Variants in TRPC5 observed in about 807,000 individuals in gnomAD.
The protein encoded by TRPC5 is transient receptor potential cation channel subfamily C member 5.
In TRPC5, 9 loss-of-function variants were observed where a neutral mutation model predicts 56.5. That is an observed-to-expected ratio of 0.16 (90% CI 0.10 to 0.28). The LOEUF is 0.28. Among genes scored for constraint, TRPC5 ranks in the 10% least tolerant of loss-of-function variants. The probability of loss-of-function intolerance (pLI) is 1.00; values close to 1 mark genes in which losing one functional copy is unlikely to be tolerated. For synonymous variants in TRPC5, 282 were observed against 278.5 expected (o/e 1.01, Z -0.13); for missense variants, 469 against 748.9 (o/e 0.63, Z 4.36).
At chrX:111,940,034 C>T (rs186143137) in intron 2 of TRPC5, among the ~76,000 whole-genome samples, 5 of 111,403 alleles carry the variant, frequency 4.5e-5, no homozygotes, top group South Asian at 3.8e-4. Context: ...ATAAACTTTC[C>T]TTTTAGTAGT....
intron 2 of TRPC5, among the ~76,000 whole-genome samples, chrX:111,919,487 T>C (rs1160188745): frequency 8.9e-6 from 1 of 112,251 alleles, no homozygotes. Flanking sequence ...GGCTCCATTA[T>C]TGAAGTCAGT....
chrX:111,836,333 G>A (rs1922563523), intron 6 of TRPC5, among the ~76,000 whole-genome samples: 1 of 112,200 alleles, frequency 8.9e-6, no homozygotes, highest in South Asian at 3.7e-4. Context: ...GCTACTTTAA[G>A]AATGGATGCA....
intron 3 of TRPC5, among the ~76,000 whole-genome samples, chrX:111,891,591 A>C: frequency 9.0e-6 from 1 of 111,255 alleles, no homozygotes; most frequent in South Asian, 3.9e-4. Flanking sequence ...CCCAGGCTGG[A>C]GTGCAATGGT....
chrX:111,981,147 G>A lies in TRPC5; in HGVS notation c.-21-28706C>T, dbSNP rs149371924. 5.6e-3 allele frequency among the ~76,000 whole-genome samples: 620 copies of A among 109,869 alleles called. 2 individuals are homozygous for A. Among genetic ancestry groups the A allele is most frequent in the African/African-American group, 0.019 (589 of 30,231 alleles). On this transcript the variant is annotated intron_variant, in intron 1 of 10. Transcript: ENST00000262839. ...AGCTGGAGACCCAGGAGAGCTGATG[G>A]TGTAGTTCTAGTCTGATTCCAAAAG...
intron 1 of TRPC5, among the ~76,000 whole-genome samples, chrX:112,012,865 C>T (rs2093128867): frequency 9.0e-6 from 1 of 111,653 alleles, no homozygotes; most frequent in African/African-American, 3.3e-5. Flanking sequence ...GCAGCTTGCC[C>T]CAGTTATTTG....
At chrX:112,041,917 C>T (rs1369917831) in intron 1 of TRPC5, among the ~76,000 whole-genome samples, 1 of 111,217 alleles carries the variant, frequency 9.0e-6, no homozygotes, top group Non-Finnish European at 1.9e-5. Flanking sequence ...TTTTATAGCT[C>T]GACTCTCTCT....
intron 3 of TRPC5, among the ~76,000 whole-genome samples, chrX:111,861,787 T>C (rs1337184139): frequency 8.9e-6 from 1 of 111,849 alleles, no homozygotes; most frequent in East Asian, 2.8e-4. Context: ...TGAGCAATAC[T>C]CTTTATGATA....
intron 1 of TRPC5, among the ~76,000 whole-genome samples, chrX:111,966,444 A>G (rs1569528795): frequency 8.9e-6 from 1 of 111,933 alleles, no homozygotes. Context: ...ATACCAATCA[A>G]TCGAAAAAGA....
intron 3 of TRPC5, among the ~76,000 whole-genome samples, chrX:111,883,563 A>G (rs1924332470): frequency 8.8e-6 from 1 of 113,020 alleles, no homozygotes; most frequent in Non-Finnish European, 1.9e-5. Context: ...GTTAAAGCCT[A>G]GCCAGGGCCT....
At chrX:111,939,261 G>A (rs1043446293) in intron 2 of TRPC5, among the ~76,000 whole-genome samples, 1 of 111,790 alleles carries the variant, frequency 8.9e-6, no homozygotes, top group African/African-American at 3.3e-5. Context: ...ACTTGGCCAT[G>A]ATAAGTGACC....
At chrX:111,848,581 T>G (rs1041362125) in intron 5 of TRPC5, among the ~76,000 whole-genome samples, 7 of 112,363 alleles carry the variant, frequency 6.2e-5, no homozygotes, top group Admixed American at 4.7e-4. Context: ...ACAACTTTCC[T>G]GAGAAAATGT....
intron 2 of TRPC5, 27 bp from the exon 3 acceptor site, chrX:111,912,839 A>C: frequency 2.6e-6 from 3 of 1,176,075 alleles, no homozygotes; most frequent in Non-Finnish European, 3.4e-6. Context: ...AGAAGAATAG[A>C]AGGGCAGGAT....
chrX:112,043,082 A>G (rs1343116984), intron 1 of TRPC5, among the ~76,000 whole-genome samples: 2 of 112,015 alleles, frequency 1.8e-5, no homozygotes, highest in Admixed American at 1.9e-4. Context: ...TATATAATAC[A>G]AATGCATCAT....
At chrX:111,910,902 T>G (rs746424122) in intron 3 of TRPC5, among the ~76,000 whole-genome samples, 6 of 112,742 alleles carry the variant, frequency 5.3e-5, no homozygotes, top group Non-Finnish European at 9.4e-5. Flanking sequence ...CCTATTTTAT[T>G]TTATCTTTAC....
At chrX:111,843,203 T>C (rs1468120224) in intron 6 of TRPC5, among the ~76,000 whole-genome samples, 1 of 112,757 alleles carries the variant, frequency 8.9e-6, no homozygotes, top group African/African-American at 3.2e-5. Flanking sequence ...TTTCACTCAA[T>C]TGTTCAGTAG....
chrX:111,995,775 A>G (rs1223691843), intron 1 of TRPC5, among the ~76,000 whole-genome samples: 1 of 111,127 alleles, frequency 9.0e-6, no homozygotes, highest in African/African-American at 3.3e-5. Context: ...TATATATTTT[A>G]TAGTATTCTC....
chrX:111,925,946 C>T (rs142974318), intron 2 of TRPC5, among the ~76,000 whole-genome samples: 7 of 111,584 alleles, frequency 6.3e-5, no homozygotes, highest in East Asian at 5.7e-4. Context: ...GTTCCGTGCA[C>T]GGTAGGATGT....
rs1298999440 is a variant in TRPC5, at chrX:112,052,720, TC to T, written c.-22+29158del. On this transcript the variant is annotated intron_variant, in intron 1 of 10. Coordinates refer to ENST00000262839, the MANE Select transcript of TRPC5 (RefSeq NM_012471.3). ...ATTTTCAAATCAATATCATGAAGCT[TC>T]CCCCCGGAGGTCTGTGCTTTTAACT... is the stretch of plus-strand genomic sequence containing the variant. Among the ~76,000 whole-genome samples the T allele has an allele frequency of 2.7e-5, 3 of 111,641 alleles. No individual in the cohort carries two copies. In the South Asian group the frequency reaches 1.1e-3, roughly 42 times the overall value.
intron 3 of TRPC5, among the ~76,000 whole-genome samples, chrX:111,859,769 C>G (rs61533617): frequency 0.019 from 2,158 of 111,481 alleles, 47 homozygotes; most frequent in African/African-American, 0.067. Flanking sequence ...GGAGAGCACA[C>G]CATTGCAGTA....
Sources: gnomAD v4.1 joint callset for allele counts (sites outside exome capture counted in the v4.1 genomes callset) on GRCh38, gnomAD v4.1.1 for gene constraint, MANE v1.5 for transcripts, NCBI Gene and HGNC (gene_info 2026-07-23, HGNC 2026-07-21) for gene names.